Variants in PARD3B observed in about 807,000 individuals in gnomAD.
The protein encoded by PARD3B is partitioning defective 3 homolog B.
A neutral mutation model predicts 130.2 loss-of-function variants in PARD3B; 103 were observed. The observed-to-expected ratio is 0.79, with a 90% CI of 0.67 to 0.93. The LOEUF is 0.93. Among genes scored for constraint, PARD3B ranks in the 40% least tolerant of loss-of-function variants. PARD3B has a pLI of 0.00. For synonymous variants in PARD3B, 583 were observed against 553.2 expected, an observed-to-expected ratio of 1.05 and a Z score of -0.76; for missense variants, 1,609 against 1,499.2, an observed-to-expected ratio of 1.07 and a Z score of -1.21.
chr2:204,761,059 A>G (rs572041882), intron 2 of PARD3B, among the ~76,000 whole-genome samples: 18 of 152,268 alleles, frequency 1.2e-4, no homozygotes, highest in Non-Finnish European at 2.2e-4. Flanking sequence ...TATTGCATTT[A>G]TGGCTGACAA....
intron 20 of PARD3B, among the ~76,000 whole-genome samples, chr2:205,489,201 T>C (rs1403738925): frequency 6.6e-6 from 1 of 151,486 alleles, no homozygotes; most frequent in Non-Finnish European, 1.5e-5. Context: ...CCACATACTG[T>C]ATGTTGTTAA....
At chr2:205,130,934 G>A (rs2031942008) in intron 10 of PARD3B, among the ~76,000 whole-genome samples, 1 of 152,040 alleles carries the variant, frequency 6.6e-6, no homozygotes, top group Non-Finnish European at 1.5e-5. Flanking sequence ...GCTTAGTGTA[G>A]TCCAACACTG....
At chr2:205,294,439 A>C (rs2041716824) in intron 16 of PARD3B, among the ~76,000 whole-genome samples, 2 of 152,162 alleles carry the variant, frequency 1.3e-5, no homozygotes, top group African/African-American at 4.8e-5. Flanking sequence ...AGAAACCTAA[A>C]CAAGACATAA....
intron 2 of PARD3B, among the ~76,000 whole-genome samples, chr2:204,818,371 G>A (rs1212815666): frequency 1.3e-5 from 2 of 152,144 alleles, no homozygotes; most frequent in African/African-American, 4.8e-5. Context: ...ACATTTTGAA[G>A]ATATAAGGTG....
At chr2:204,738,010 C>A (rs1410878507) in intron 2 of PARD3B, among the ~76,000 whole-genome samples, 1 of 152,058 alleles carries the variant, frequency 6.6e-6, no homozygotes, top group Non-Finnish European at 1.5e-5. Flanking sequence ...GTGATACCTC[C>A]AGATTTGTTC....
At chr2:205,072,350 A>G (rs1167413899) in intron 4 of PARD3B, among the ~76,000 whole-genome samples, 1 of 151,818 alleles carries the variant, frequency 6.6e-6, no homozygotes, top group African/African-American at 2.4e-5. Flanking sequence ...CCCTGGGTTC[A>G]AGCGATTCTC....
chr2:204,753,213 GA>G (rs2040533327), intron 2 of PARD3B, among the ~76,000 whole-genome samples: 1 of 152,092 alleles, frequency 6.6e-6, no homozygotes, highest in South Asian at 2.1e-4. Flanking sequence ...CTGAAAATGA[GA>G]AATTTCCATT....
At chr2:204,685,657 A>G (rs933262267) in intron 1 of PARD3B, among the ~76,000 whole-genome samples, 1 of 152,220 alleles carries the variant, frequency 6.6e-6, no homozygotes, top group Non-Finnish European at 1.5e-5. Flanking sequence ...ATCATTGCAT[A>G]TCTCAGAGTG....
chr2:205,061,184 AAAT>A (rs1208277995), intron 4 of PARD3B, among the ~76,000 whole-genome samples: 1 of 152,190 alleles, frequency 6.6e-6, no homozygotes, highest in African/African-American at 2.4e-5. Flanking sequence ...CAGTAATCAT[AAAT>A]AATAACCCAG....
At chr2:205,127,845 C>G (rs1018563246) in intron 10 of PARD3B, among the ~76,000 whole-genome samples, 2 of 152,176 alleles carry the variant, frequency 1.3e-5, no homozygotes, top group African/African-American at 4.8e-5. Flanking sequence ...GTCTCATCTC[C>G]TCACACTTTC....
intron 2 of PARD3B, among the ~76,000 whole-genome samples, chr2:204,866,294 G>A (rs2045411564): frequency 6.6e-6 from 1 of 151,988 alleles, no homozygotes; most frequent in South Asian, 2.1e-4. Flanking sequence ...TTTTTGTTCT[G>A]GTTACTTATT....
chr2:205,125,569 G>C lies in PARD3B; in HGVS notation c.1306-40G>C. On this transcript the variant is annotated intron_variant, in intron 9 of 22. Transcript: ENST00000406610. The surrounding 1 kb of genome is among the most constrained non-coding windows in gnomAD (Gnocchi z 4.0). ...TATCTAGTGTAGAAGGAGATAACAAGTATTGTGATTGTGGCTGTTCATATG... is the reference window on the plus strand; with the variant it reads ...TATCTAGTGTAGAAGGAGATAACAACTATTGTGATTGTGGCTGTTCATATG... The C allele has an allele frequency of 6.2e-7, 1 of 1,605,134 alleles. No homozygotes were observed. Among genetic ancestry groups the C allele is most frequent in the Non-Finnish European group, 8.5e-7 (1 of 1,174,336 alleles).
chr2:204,803,165 T>TAC, intron 2 of PARD3B, among the ~76,000 whole-genome samples: 1 of 130,780 alleles, frequency 7.6e-6, no homozygotes, highest in East Asian at 2.2e-4. Context: ...AAAAAAAAAA[T>TAC]ATATATATAT....
chr2:205,266,230 A>G (rs1390696318), intron 16 of PARD3B, among the ~76,000 whole-genome samples: 5 of 152,124 alleles, frequency 3.3e-5, no homozygotes, highest in Non-Finnish European at 5.9e-5. Flanking sequence ...GAAAGCTGAA[A>G]TGGAATTTGG....
chr2:204,819,193 GT>G (rs2043247161), intron 2 of PARD3B, among the ~76,000 whole-genome samples: 1 of 152,108 alleles, frequency 6.6e-6, no homozygotes, highest in Non-Finnish European at 1.5e-5. Context: ...CAAATTGAAG[GT>G]TTGCGGCAAC....
At chr2:205,478,527 A>G (rs535151502) in intron 20 of PARD3B, among the ~76,000 whole-genome samples, 1 of 152,318 alleles carries the variant, frequency 6.6e-6, no homozygotes, top group African/African-American at 2.4e-5. Context: ...TCATTTAACA[A>G]TAAGGAGATG....
intron 3 of PARD3B, among the ~76,000 whole-genome samples, chr2:204,977,751 G>T (rs1436673562): frequency 8.2e-5 from 12 of 145,576 alleles, no homozygotes; most frequent in Non-Finnish European, 1.8e-4. Flanking sequence ...GGCGGAGCTT[G>T]CAGTGAGCCG....
chr2:205,238,005 A>G (rs531701870), intron 15 of PARD3B, among the ~76,000 whole-genome samples: 1 of 152,268 alleles, frequency 6.6e-6, no homozygotes, highest in South Asian at 2.1e-4. Context: ...ATAATTATAT[A>G]TATCTCACAA....
At chr2:204,839,917 A>T (rs1348270804) in intron 2 of PARD3B, among the ~76,000 whole-genome samples, 1 of 152,194 alleles carries the variant, frequency 6.6e-6, no homozygotes, top group South Asian at 2.1e-4. Context: ...GACTTGTCCC[A>T]TTTAACAATA....
Sources: gnomAD v4.1 joint callset for allele counts (sites outside exome capture counted in the v4.1 genomes callset) on GRCh38, gnomAD v4.1.1 for gene constraint, Gnocchi (gnomAD v3.1) non-coding constraint, MANE v1.5 for transcripts, NCBI Gene and HGNC (gene_info 2026-07-23, HGNC 2026-07-21) for gene names.